DACH2: variants seen among roughly 807,000 people sequenced by gnomAD.
DACH2 encodes the protein dachshund family transcription factor 2.
In DACH2, 17 loss-of-function variants were observed where a neutral mutation model predicts 35.8. That is an observed-to-expected ratio of 0.48 (90% CI 0.33 to 0.71). The LOEUF is 0.71. Among genes scored for constraint, DACH2 ranks in the 30% least tolerant of loss-of-function variants. The pLI is 0.02. For synonymous variants in DACH2, 195 were observed against 177.3 expected, an observed-to-expected ratio of 1.10 and a Z score of -0.79; for missense variants, 469 against 472.7, an observed-to-expected ratio of 0.99 and a Z score of 0.07.
chrX:86,577,227 T>C (rs1288624976), intron 3 of DACH2, among the ~76,000 whole-genome samples: 1 of 111,186 alleles, frequency 9.0e-6, no homozygotes, highest in Non-Finnish European at 1.9e-5. Context: ...TGAGTGCTTG[T>C]GTGTGTGTTT....
At chrX:86,700,711 A>T (rs1282534710) in intron 5 of DACH2, among the ~76,000 whole-genome samples, 2 of 111,035 alleles carry the variant, frequency 1.8e-5, no homozygotes, top group African/African-American at 3.3e-5. Context: ...TCAGAGACTT[A>T]CTATAAATAC....
chrX:86,507,364 A>G (rs1199836378), intron 2 of DACH2, among the ~76,000 whole-genome samples: 9 of 107,546 alleles, frequency 8.4e-5, no homozygotes, highest in African/African-American at 3.0e-4. Context: ...TATTTTGGCT[A>G]GTTGCAATAG....
At chrX:86,719,619 T>C (rs144305573) in intron 6 of DACH2, among the ~76,000 whole-genome samples, 1,854 of 111,391 alleles carry the variant, frequency 0.017, 47 homozygotes, top group African/African-American at 0.058. Flanking sequence ...GAGGCAACTG[T>C]TCACAGGGCA....
At position 86,316,264 on chromosome X, in the gene DACH2, CCCTA is replaced by C. The variant is rs1362625505; in HGVS notation, c.489-60559_489-60556del. Reference sequence around the variant, plus strand: ...GTGTGCCTGTGTCTGCTTCTAGATTCCCTATCTTAGTGGGCCTAAGGGGAAAGGA... The same window carrying C: ...GTGTGCCTGTGTCTGCTTCTAGATTCTCTTAGTGGGCCTAAGGGGAAAGGA... On this transcript the variant is annotated intron_variant, in intron 1 of 11. Transcript: ENST00000373125. Among the ~76,000 whole-genome samples the C allele has an allele frequency of 1.3e-4, 14 of 110,283 alleles. No homozygotes were observed. In the East Asian group the frequency reaches 4.0e-3, roughly 32 times the overall value.
chrX:86,358,252 G>GA lies in DACH2; in HGVS notation c.489-18565dup, dbSNP rs748974153. ...TCTTTCAGCCAAGTTGTAAGAGATA[G>GA]AAAAAAATCAGTTTAGATCTGTATT... On this transcript the variant is annotated intron_variant, in intron 1 of 11. Coordinates refer to ENST00000373125, the MANE Select transcript of DACH2 (RefSeq NM_053281.3). 3.1e-3 allele frequency among the ~76,000 whole-genome samples: 344 copies of GA among 111,481 alleles called. 1 individual carries two copies. Among genetic ancestry groups the GA allele is most frequent in the African/African-American group, 0.011 (329 of 30,780 alleles).
At chrX:86,741,637 A>G (rs2041657142) in intron 7 of DACH2, among the ~76,000 whole-genome samples, 1 of 111,648 alleles carries the variant, frequency 9.0e-6, no homozygotes, top group South Asian at 3.7e-4. Flanking sequence ...AACTGATTCT[A>G]GAAAGTCTGA....
chrX:86,555,526 T>A (rs1299420297), intron 3 of DACH2, among the ~76,000 whole-genome samples: 5 of 111,596 alleles, frequency 4.5e-5, no homozygotes, highest in Non-Finnish European at 9.4e-5. Context: ...AACTGCTAAT[T>A]GAGATCATGT....
At chrX:86,186,573 T>G (rs2031688520) in intron 1 of DACH2, among the ~76,000 whole-genome samples, 1 of 111,600 alleles carries the variant, frequency 9.0e-6, no homozygotes, top group South Asian at 3.7e-4. Context: ...AAAAAATAAT[T>G]AAGGCTGTTG....
chrX:86,565,828 G>C (rs1462759972), intron 3 of DACH2, among the ~76,000 whole-genome samples: 1 of 111,196 alleles, frequency 9.0e-6, no homozygotes, highest in Admixed American at 9.6e-5. Flanking sequence ...AATATTTCAA[G>C]TCCTTCTGTA....
intron 1 of DACH2, among the ~76,000 whole-genome samples, chrX:86,247,515 AC>A (rs1183115577): frequency 1.8e-5 from 2 of 111,835 alleles, no homozygotes; most frequent in Non-Finnish European, 3.8e-5. Context: ...AAACTAGAAA[AC>A]AATAGATAAA....
chrX:86,636,303 C>T (rs1175211496), intron 3 of DACH2, among the ~76,000 whole-genome samples: 3 of 110,523 alleles, frequency 2.7e-5, no homozygotes, highest in Non-Finnish European at 5.7e-5. Context: ...CAAAAATGAG[C>T]CGGGCGTAGT....
intron 2 of DACH2, among the ~76,000 whole-genome samples, chrX:86,477,730 C>A (rs1431552312): frequency 9.0e-6 from 1 of 110,554 alleles, no homozygotes; most frequent in Non-Finnish European, 1.9e-5. Context: ...TTTTGTGATC[C>A]TCTCCTCCTT....
intron 1 of DACH2, among the ~76,000 whole-genome samples, chrX:86,366,704 G>T (rs1035838979): frequency 1.8e-5 from 2 of 110,545 alleles, no homozygotes; most frequent in Non-Finnish European, 3.8e-5. Context: ...TGGGCTGTGG[G>T]GGTAGATCCC....
At chrX:86,153,489 C>G (rs1274178087) in intron 1 of DACH2, among the ~76,000 whole-genome samples, 1 of 111,401 alleles carries the variant, frequency 9.0e-6, no homozygotes, top group East Asian at 2.8e-4. Context: ...GCATAATTTA[C>G]TTTGAAAATT....
intron 3 of DACH2, among the ~76,000 whole-genome samples, chrX:86,594,092 G>A (rs1373798025): frequency 9.0e-6 from 1 of 111,284 alleles, no homozygotes. Context: ...CTCTTTCAAG[G>A]AATTGGTCTG....
intron 3 of DACH2, among the ~76,000 whole-genome samples, chrX:86,643,173 T>TC (rs2040368382): frequency 6.0e-5 from 1 of 16,605 alleles, no homozygotes; most frequent in East Asian, 4.2e-3. Context: ...CCAGGAATTG[T>TC]TTTTTTTTTT....
At chrX:86,581,979 T>C (rs770820785) in intron 3 of DACH2, among the ~76,000 whole-genome samples, 55 of 111,612 alleles carry the variant, frequency 4.9e-4, no homozygotes, top group Middle Eastern at 9.3e-3. Flanking sequence ...AAAACAATTC[T>C]CATCCAGTTC....
At chrX:86,242,256 G>A (rs1160493348) in intron 1 of DACH2, among the ~76,000 whole-genome samples, 2 of 112,443 alleles carry the variant, frequency 1.8e-5, no homozygotes. Flanking sequence ...CTACAGGGGT[G>A]GGGCTTCCCA....
chrX:86,642,669 A>T (rs751151079), intron 3 of DACH2, among the ~76,000 whole-genome samples: 9 of 112,393 alleles, frequency 8.0e-5, no homozygotes, highest in African/African-American at 2.9e-4. Flanking sequence ...TCTCATTGCC[A>T]CATGGCACAT....
Sources: allele counts gnomAD v4.1 joint callset (sites outside exome capture counted in the v4.1 genomes callset), GRCh38; gene constraint gnomAD v4.1.1; transcripts MANE v1.5; gene names NCBI Gene and HGNC (gene_info 2026-07-23, HGNC 2026-07-21).